Variants in MAOB observed in about 807,000 individuals in gnomAD.
The protein encoded by MAOB is amine oxidase [flavin-containing] B.
A neutral mutation model predicts 41.9 loss-of-function variants in MAOB; 15 were observed. The observed-to-expected ratio is 0.36, with a 90% CI of 0.24 to 0.55. The LOEUF (loss-of-function observed/expected upper bound fraction) is 0.55, where lower values mean the gene tolerates loss of function less well. Ranked by LOEUF, MAOB falls within the 20% of genes least tolerant of loss-of-function variation. MAOB has a pLI of 0.86. For missense variants in MAOB, 345 were observed against 398.7 expected (o/e 0.87, Z 1.15); for synonymous variants, 167 against 144.2 (o/e 1.16, Z -1.13).
intron 1 of MAOB, among the ~76,000 whole-genome samples, chrX:43,854,893 G>T (rs73473887): frequency 9.0e-6 from 1 of 111,443 alleles, no homozygotes; most frequent in African/African-American, 3.3e-5. Flanking sequence ...TAGCATTTTT[G>T]AAGTGTACAA....
chrX:43,775,696 G>T (rs752014124), intron 11 of MAOB, among the ~76,000 whole-genome samples: 1 of 111,878 alleles, frequency 8.9e-6, no homozygotes, highest in South Asian at 3.7e-4. Flanking sequence ...TTCATGTTTT[G>T]GTGGAGGTGA....
At chrX:43,783,716 G>A (rs1399432184) in intron 8 of MAOB, among the ~76,000 whole-genome samples, 1 of 112,002 alleles carries the variant, frequency 8.9e-6, no homozygotes, top group Non-Finnish European at 1.9e-5. Context: ...GGTGGCTGCT[G>A]AAGGTTGGTG....
chrX:43,875,260 G>T (rs62589721), intron 1 of MAOB, among the ~76,000 whole-genome samples: 1 of 111,682 alleles, frequency 9.0e-6, no homozygotes, highest in Non-Finnish European at 1.9e-5. Context: ...TTCAAAAGAA[G>T]GGGCTGTGAG....
At chrX:43,838,756 C>CAT in intron 3 of MAOB, 112 bp downstream of exon 3, 4 of 748,734 alleles carry the variant, frequency 5.3e-6, no homozygotes, top group Non-Finnish European at 7.3e-6. Flanking sequence ...TTATAAAATA[C>CAT]ATTTGCATCA....
At chrX:43,781,179 A>G (rs1178755573) in intron 9 of MAOB, among the ~76,000 whole-genome samples, 1 of 111,697 alleles carries the variant, frequency 9.0e-6, no homozygotes, top group Non-Finnish European at 1.9e-5. Flanking sequence ...TCACCTAAAT[A>G]TGTCTACCCC....
intron 1 of MAOB, among the ~76,000 whole-genome samples, chrX:43,861,463 G>T (rs1282502330): frequency 2.7e-5 from 3 of 112,092 alleles, no homozygotes; most frequent in Admixed American, 9.4e-5. Context: ...ACAAAATTTT[G>T]TCAAGGAAAA....
chrX:43,822,192 G>T (rs1377067679), intron 3 of MAOB, among the ~76,000 whole-genome samples: 7 of 112,660 alleles, frequency 6.2e-5, no homozygotes. Context: ...TTTGGGAGAA[G>T]TGTTCACTTT....
intron 8 of MAOB, among the ~76,000 whole-genome samples, chrX:43,788,273 C>T (rs1335639525): frequency 1.8e-5 from 2 of 111,167 alleles, no homozygotes; most frequent in Admixed American, 1.9e-4. Context: ...GAGGACGGCA[C>T]CAAGATGTTC....
chrX:43,862,791 C>T (rs891954733), intron 1 of MAOB, among the ~76,000 whole-genome samples: 11 of 111,633 alleles, frequency 9.9e-5, no homozygotes, highest in Non-Finnish European at 1.7e-4. Context: ...AGTTCAGAAA[C>T]ATAAACAAAT....
chrX:43,815,574 A>G (rs2034801798), intron 3 of MAOB, among the ~76,000 whole-genome samples: 1 of 111,818 alleles, frequency 8.9e-6, no homozygotes. Context: ...CTCCTCTGAA[A>G]ATTTGTTGCA....
chrX:43,769,322 C>A lies in MAOB; in HGVS notation c.1332G>T (p.Glu444Asp). Reference protein sequence around the residue: ...GYMEGAVEAGERAAREILHAM... With the variant: ...GYMEGAVEAGDRAAREILHAM... The stretch of plus-strand genomic sequence containing the variant: ...CAGACCCTACCTCTCGGGCTGCTCT[C>A]TCCCCGGCCTCTACAGCCCCCTCCA... Residue 444 changes from glutamate (E) to aspartate (D), a missense_variant, in exon 13 of 15, where the codon GAG becomes GAT. Glu to Asp is a conservative substitution (Grantham distance 45). Coordinates refer to ENST00000378069, the MANE Select transcript of MAOB (RefSeq NM_000898.5). 2 of 1,208,687 alleles carry A rather than the reference C, an allele frequency of 1.7e-6. No homozygotes were observed. The highest frequency in any genetic ancestry group is 3.5e-5 in the South Asian group (2 of 56,456).
chrX:43,822,537 G>A (rs750088384), intron 3 of MAOB, among the ~76,000 whole-genome samples: 1 of 111,651 alleles, frequency 9.0e-6, no homozygotes, highest in Non-Finnish European at 1.9e-5. Flanking sequence ...GAAGAGGCAA[G>A]TTTGGCCAAA....
In MAOB at chrX:43,781,450, C is replaced by T; in HGVS notation, c.1023G>A (p.Met341Ile). The T allele has an allele frequency of 8.6e-7, 1 of 1,162,326 alleles. No homozygotes were observed. Among genetic ancestry groups the T allele is most frequent in the Non-Finnish European group, 1.2e-6 (1 of 861,338 alleles). Reference sequence around the variant, plus strand: ...ACAACACCATAATTGTGCCTTACCCCATTATGGCAGCATAGTTGCCTTCAG... The same window carrying T: ...ACAACACCATAATTGTGCCTTACCCTATTATGGCAGCATAGTTGCCTTCAG... The part of the protein sequence containing the change: ...TKPEGNYAAI[M>I]GFILAHKARK... Residue 341 changes from methionine to isoleucine, a missense_variant and splice_region_variant, in exon 9 of 15, where the codon ATG (methionine) becomes ATA (isoleucine). Transcript: ENST00000378069.
intron 3 of MAOB, among the ~76,000 whole-genome samples, chrX:43,830,173 T>C (rs747753549): frequency 1.6e-4 from 18 of 112,444 alleles, no homozygotes; most frequent in African/African-American, 5.5e-4. Flanking sequence ...AGTGCTGTTG[T>C]AAGCTATTTT....
intron 3 of MAOB, among the ~76,000 whole-genome samples, chrX:43,822,831 T>A (rs1158270743): frequency 9.1e-6 from 1 of 110,456 alleles, no homozygotes; most frequent in East Asian, 2.8e-4. Flanking sequence ...ATTACCATCA[T>A]CACCATCACC....
chrX:43,812,230 T>G (rs188469070), intron 3 of MAOB, among the ~76,000 whole-genome samples: 2 of 112,549 alleles, frequency 1.8e-5, no homozygotes, highest in African/African-American at 6.5e-5. Flanking sequence ...CGCATTTCGT[T>G]TATCCATTAA....
chrX:43,801,594 C>T (rs781301936), intron 5 of MAOB, among the ~76,000 whole-genome samples: 46 of 112,355 alleles, frequency 4.1e-4, no homozygotes, highest in African/African-American at 1.4e-3. Context: ...TACAAGCCTT[C>T]ACAATTTCTC....
At chrX:43,785,613 T>C (rs916107215) in intron 8 of MAOB, among the ~76,000 whole-genome samples, 6 of 112,751 alleles carry the variant, frequency 5.3e-5, no homozygotes, top group African/African-American at 1.9e-4. Context: ...TATGCCTTCC[T>C]CACTAAGCTT....
chrX:43,803,721 G>A (rs761730893), intron 3 of MAOB, among the ~76,000 whole-genome samples: 1 of 112,086 alleles, frequency 8.9e-6, no homozygotes, highest in African/African-American at 3.2e-5. Flanking sequence ...AATCTTATTT[G>A]TCAATGGTAC....
Sources: gnomAD v4.1 joint callset for allele counts (sites outside exome capture counted in the v4.1 genomes callset) on GRCh38, gnomAD v4.1.1 for gene constraint, MANE v1.5 for transcripts, NCBI Gene and HGNC (gene_info 2026-07-23, HGNC 2026-07-21) for gene names.